ERBB4: variants seen among roughly 807,000 people sequenced by gnomAD.
ERBB4 encodes the protein erb-b2 receptor tyrosine kinase 4, also known as receptor tyrosine-protein kinase erbB-4.
In ERBB4, 42 loss-of-function variants were observed where a neutral mutation model predicts 158.0. The observed-to-expected ratio is 0.27, with a 90% CI of 0.21 to 0.34. The LOEUF (loss-of-function observed/expected upper bound fraction) is 0.34, where lower values mean the gene tolerates loss of function less well. Among genes scored for constraint, ERBB4 ranks in the 10% least tolerant of loss-of-function variants. The probability of loss-of-function intolerance (pLI) is 1.00; values close to 1 mark genes in which losing one functional copy is unlikely to be tolerated. For synonymous variants in ERBB4, 583 were observed against 558.7 expected (o/e 1.04, Z -0.61); for missense variants, 1,333 against 1,624.1 (o/e 0.82, Z 3.08).
chr2:212,234,158 T>C (rs2083766952), intron 1 of ERBB4, among the ~76,000 whole-genome samples: 1 of 151,828 alleles, frequency 6.6e-6, no homozygotes, highest in Admixed American at 6.6e-5. Context: ...ACAGGCCCTG[T>C]TGTGTGATGT....
intron 1 of ERBB4, among the ~76,000 whole-genome samples, chr2:212,359,872 A>G (rs1332918216): frequency 6.6e-6 from 1 of 151,772 alleles, no homozygotes; most frequent in Admixed American, 6.6e-5. Context: ...TTTTCAAGAA[A>G]GAATAAGTCA....
intron 2 of ERBB4, among the ~76,000 whole-genome samples, chr2:211,968,489 T>C (rs1400792632): frequency 6.6e-6 from 1 of 152,048 alleles, no homozygotes; most frequent in Non-Finnish European, 1.5e-5. Flanking sequence ...ATGAAATACA[T>C]AAAACAGAGA....
At chr2:212,299,069 T>C (rs2086524935) in intron 1 of ERBB4, among the ~76,000 whole-genome samples, 1 of 151,714 alleles carries the variant, frequency 6.6e-6, no homozygotes, top group Non-Finnish European at 1.5e-5. Flanking sequence ...AATTATCTCA[T>C]TTAACCCTCA....
intron 1 of ERBB4, among the ~76,000 whole-genome samples, chr2:212,156,119 G>A (rs916009440): frequency 6.6e-6 from 1 of 152,052 alleles, no homozygotes; most frequent in African/African-American, 2.4e-5. Context: ...TCATTCAGAG[G>A]GAGAAGGAAA....
At chr2:211,712,886 C>A (rs115336419) in intron 8 of ERBB4, among the ~76,000 whole-genome samples, 5,790 of 152,098 alleles carry the variant, frequency 0.038, 132 homozygotes, top group Non-Finnish European at 0.055. Flanking sequence ...TTCTAGGGCA[C>A]TCCCTGATAC....
At chr2:212,312,387 T>C (rs894852696) in intron 1 of ERBB4, among the ~76,000 whole-genome samples, 20 of 150,966 alleles carry the variant, frequency 1.3e-4, no homozygotes, top group Non-Finnish European at 1.5e-5. Flanking sequence ...TTAGAAATTA[T>C]GCAGTTTGTC....
intron 20 of ERBB4, among the ~76,000 whole-genome samples, chr2:211,519,636 C>A (rs2066135989): frequency 6.7e-6 from 1 of 150,324 alleles, no homozygotes; most frequent in Non-Finnish European, 1.5e-5. Context: ...TTCACCCAAG[C>A]AAAACAGTTG....
At chr2:212,114,303 C>T (rs1027891184) in intron 2 of ERBB4, among the ~76,000 whole-genome samples, 12 of 152,140 alleles carry the variant, frequency 7.9e-5, no homozygotes, top group Non-Finnish European at 1.5e-4. Context: ...TTAGCCAGCA[C>T]ATGAATAATT....
intron 22 of ERBB4, among the ~76,000 whole-genome samples, chr2:211,427,306 C>T (rs1021076801): frequency 6.6e-6 from 1 of 151,782 alleles, no homozygotes; most frequent in East Asian, 1.9e-4. Context: ...TAAATCTCAC[C>T]ACCACCCTTT....
At position 211,387,961 on chromosome 2, in the gene ERBB4, T is replaced by C. The variant is rs2062721846; in HGVS notation, c.3167A>G (p.Tyr1056Cys). The C allele has an allele frequency of 6.2e-7, 1 of 1,609,544 alleles. No homozygotes were observed. The highest frequency in any genetic ancestry group is 1.3e-5 in the African/African-American group (1 of 74,806). The change falls in exon 26 of 28, where the codon TAC becomes TGC. Residue 1056 changes from tyrosine to cysteine, a missense_variant. Coordinates refer to ENST00000342788, the MANE Select transcript of ERBB4 (RefSeq NM_005235.3). Reference sequence around the variant, plus strand: ...AATACTTACTCCTGACATGGGGGTGTAGGCAGGAGGAGGGCTGTGTCCAAT... The same window carrying C: ...AATACTTACTCCTGACATGGGGGTGCAGGCAGGAGGAGGGCTGTGTCCAAT... ...SEIGHSPPPA[Y>C]TPMSGNQFVY...
At chr2:212,384,623 A>G (rs2090613722) in intron 1 of ERBB4, among the ~76,000 whole-genome samples, 1 of 151,652 alleles carries the variant, frequency 6.6e-6, no homozygotes, top group South Asian at 2.1e-4. Flanking sequence ...TTTTATAACT[A>G]TTTCAAAGAG....
chr2:211,769,155 C>T (rs546256045), intron 4 of ERBB4, among the ~76,000 whole-genome samples: 1 of 152,296 alleles, frequency 6.6e-6, no homozygotes, highest in South Asian at 2.1e-4. Flanking sequence ...GGGCAAAATG[C>T]TGCCAGTCTC....
At chr2:212,226,378 T>A (rs1040308217) in intron 1 of ERBB4, among the ~76,000 whole-genome samples, 16 of 148,124 alleles carry the variant, frequency 1.1e-4, no homozygotes, top group African/African-American at 3.9e-4. Context: ...TACCTGTACC[T>A]CTAACCCATG....
intron 1 of ERBB4, among the ~76,000 whole-genome samples, chr2:212,185,034 C>CTTTTTTTTTTTTT (rs762121501): frequency 7.5e-6 from 1 of 132,574 alleles, no homozygotes. Context: ...TTTTTTTTTT[C>CTTTTTTTTTTTTT]TTTTGAGACA....
intron 2 of ERBB4, among the ~76,000 whole-genome samples, chr2:211,987,087 G>A (rs942587700): frequency 5.3e-5 from 8 of 151,954 alleles, no homozygotes; most frequent in African/African-American, 7.2e-5. Context: ...TTGGGAGGCC[G>A]AGGTGGCTGG....
intron 20 of ERBB4, among the ~76,000 whole-genome samples, chr2:211,485,410 T>G (rs1293063328): frequency 6.6e-6 from 1 of 152,128 alleles, no homozygotes; most frequent in Non-Finnish European, 1.5e-5. Flanking sequence ...AGGAGAGTAT[T>G]CTTACTCTAA....
At chr2:212,158,337 T>C (rs2081102477) in intron 1 of ERBB4, among the ~76,000 whole-genome samples, 1 of 151,950 alleles carries the variant, frequency 6.6e-6, no homozygotes, top group Non-Finnish European at 1.5e-5. Flanking sequence ...TGCCCATCTC[T>C]TGACCTCACT....
chr2:212,112,288 C>T (rs1432332881), intron 2 of ERBB4, among the ~76,000 whole-genome samples: 16 of 152,054 alleles, frequency 1.1e-4, no homozygotes, highest in Admixed American at 9.8e-4. Flanking sequence ...ACCTGAATAG[C>T]AAAGGAGGTG....
At chr2:212,080,600 T>C (rs73069256) in intron 2 of ERBB4, among the ~76,000 whole-genome samples, 321 of 151,420 alleles carry the variant, frequency 2.1e-3, no homozygotes, top group African/African-American at 7.6e-3. Flanking sequence ...TGGAGATATA[T>C]TGGCAACCCT....
Sources: allele counts gnomAD v4.1 joint callset (sites outside exome capture counted in the v4.1 genomes callset), GRCh38; gene constraint gnomAD v4.1.1; transcripts MANE v1.5; gene names NCBI Gene and HGNC (gene_info 2026-07-23, HGNC 2026-07-21).